TRHDE: variants seen among roughly 807,000 people sequenced by gnomAD.
TRHDE encodes the protein thyrotropin-releasing hormone-degrading ectoenzyme.
Under a neutral mutation model 125.7 loss-of-function variants are expected in TRHDE, and 72 were observed. That is an observed-to-expected ratio of 0.57 (90% CI 0.47 to 0.70). TRHDE has a LOEUF of 0.70. Among genes scored for constraint, TRHDE ranks in the 30% least tolerant of loss-of-function variants. The probability of loss-of-function intolerance (pLI) is 0.00; values close to 1 mark genes in which losing one functional copy is unlikely to be tolerated. For missense variants in TRHDE, 1,110 were observed against 1,327.1 expected (o/e 0.84, Z 2.54); for synonymous variants, 509 against 509.1 (o/e 1.00, Z 0.00).
At chr12:72,207,128 T>C (rs1877684123) in intron 2 of TRHDE, among the ~76,000 whole-genome samples, 1 of 152,222 alleles carries the variant, frequency 6.6e-6, no homozygotes. Context: ...CTGCTCATAC[T>C]TCATCCTTTT....
intron 2 of TRHDE, chr12:72,147,428 G>C (rs1876255560): frequency 6.6e-6 from 1 of 152,170 alleles, no homozygotes; most frequent in African/African-American, 2.4e-5. Context: ...AGATCTACTA[G>C]AGCTGAGTGC....
intron 2 of TRHDE, among the ~76,000 whole-genome samples, chr12:72,359,635 A>C (rs1408879697): frequency 6.6e-6 from 1 of 151,654 alleles, no homozygotes; most frequent in African/African-American, 2.4e-5. Flanking sequence ...TAAAACTTAG[A>C]AGTGGGGCAA....
At chr12:72,301,256 A>G (rs1868257394) in intron 2 of TRHDE, among the ~76,000 whole-genome samples, 1 of 152,148 alleles carries the variant, frequency 6.6e-6, no homozygotes, top group Non-Finnish European at 1.5e-5. Flanking sequence ...CCAGACAGGG[A>G]AAAAAATAAA....
At chr12:72,575,939 ATTCT>A (rs1870973604) in intron 12 of TRHDE, among the ~76,000 whole-genome samples, 1 of 152,118 alleles carries the variant, frequency 6.6e-6, no homozygotes, top group Non-Finnish European at 1.5e-5. Context: ...AATGTTATTC[ATTCT>A]AAGAAGCTTA....
intron 6 of TRHDE, among the ~76,000 whole-genome samples, chr12:72,520,422 G>A (rs1049339611): frequency 3.7e-4 from 57 of 152,268 alleles, no homozygotes; most frequent in African/African-American, 1.2e-3. Context: ...CGACCGTCAC[G>A]CCTTTCTTTG....
intron 2 of TRHDE, among the ~76,000 whole-genome samples, chr12:72,238,467 C>G (rs546750719): frequency 6.7e-6 from 1 of 148,680 alleles, no homozygotes; most frequent in African/African-American, 2.5e-5. Flanking sequence ...TAGGTATGCA[C>G]GTGCCATGCT....
At chr12:72,378,149 G>A (rs1480979396) in intron 3 of TRHDE, 28 bp downstream of exon 3, 1 of 1,553,736 alleles carries the variant, frequency 6.4e-7, no homozygotes, top group East Asian at 2.3e-5. Flanking sequence ...TATTTTATTG[G>A]AAGGGCTCCT....
At chr12:72,628,861 C>G (rs972663420) in intron 15 of TRHDE, among the ~76,000 whole-genome samples, 1 of 151,714 alleles carries the variant, frequency 6.6e-6, no homozygotes, top group African/African-American at 2.4e-5. Flanking sequence ...TAGACAAGAA[C>G]TTTTTATCCT....
intron 2 of TRHDE, among the ~76,000 whole-genome samples, chr12:72,201,412 G>T (rs913155310): frequency 6.6e-6 from 1 of 152,094 alleles, no homozygotes; most frequent in Non-Finnish European, 1.5e-5. Context: ...AGATTTTGAA[G>T]TTTGGTTATA....
chr12:72,460,218 A>G (rs528817817), intron 3 of TRHDE, among the ~76,000 whole-genome samples: 12 of 152,356 alleles, frequency 7.9e-5, no homozygotes, highest in South Asian at 4.1e-4. Context: ...TGTTTCAACA[A>G]TAACACTCAC....
intron 2 of TRHDE, among the ~76,000 whole-genome samples, chr12:72,106,300 T>C (rs1875186086): frequency 6.6e-6 from 1 of 152,148 alleles, no homozygotes; most frequent in Admixed American, 6.6e-5. Flanking sequence ...AGTTTAAACG[T>C]TGTAAATCTA....
intron 15 of TRHDE, among the ~76,000 whole-genome samples, chr12:72,647,583 A>C (rs1176843909): frequency 6.6e-6 from 1 of 152,054 alleles, no homozygotes; most frequent in African/African-American, 2.4e-5. Flanking sequence ...AACAGAAATG[A>C]AGGAGTAGAT....
At chr12:72,476,550 G>T (rs113186006) in intron 5 of TRHDE, among the ~76,000 whole-genome samples, 1,567 of 152,280 alleles carry the variant, frequency 0.01, 25 homozygotes, top group African/African-American at 0.035. Context: ...GTCTGTAAGT[G>T]CATGGCTTAA....
intron 4 of TRHDE, among the ~76,000 whole-genome samples, chr12:72,472,756 C>A (rs1437340856): frequency 2.0e-5 from 3 of 152,156 alleles, no homozygotes; most frequent in Non-Finnish European, 4.4e-5. Context: ...CGTAATAGGT[C>A]TTCAAATATT....
rs114582079 is a variant in TRHDE, at chr12:72,616,000, C to T, written c.2322-2891C>T. On this transcript the variant is annotated intron_variant, in intron 12 of 18. Transcript: ENST00000261180. ...TATTCTATTGGCTAGATCTCAGTCT[C>T]ATGACCACACCTAAGTACCAGGAGA... Among the ~76,000 whole-genome samples the T allele has an allele frequency of 2.2e-3, 339 of 152,232 alleles. 1 individual carries two copies. The highest frequency in any genetic ancestry group is 7.8e-3 in the African/African-American group (326 of 41,566).
chr12:72,128,739 G>A (rs1474327753), intron 2 of TRHDE, among the ~76,000 whole-genome samples: 1 of 152,126 alleles, frequency 6.6e-6, no homozygotes, highest in Non-Finnish European at 1.5e-5. Flanking sequence ...AAAACATTCA[G>A]AGATTTAACA....
intron 3 of TRHDE, among the ~76,000 whole-genome samples, chr12:72,443,119 T>A (rs1875099382): frequency 6.6e-6 from 1 of 151,776 alleles, no homozygotes; most frequent in South Asian, 2.1e-4. Flanking sequence ...TTTTCCCGAA[T>A]CCTATGCTAC....
intron 2 of TRHDE, among the ~76,000 whole-genome samples, chr12:72,265,858 AAC>A (rs1879056035): frequency 6.6e-6 from 1 of 151,878 alleles, no homozygotes; most frequent in Non-Finnish European, 1.5e-5. Flanking sequence ...AAAATAAGAA[AAC>A]ACTGTAGTTC....
intron 3 of TRHDE, among the ~76,000 whole-genome samples, chr12:72,460,506 G>A (rs1876076893): frequency 6.6e-6 from 1 of 152,034 alleles, no homozygotes; most frequent in African/African-American, 2.4e-5. Context: ...TGTCTTTATT[G>A]TTCAGTGTTT....
Sources: allele counts gnomAD v4.1 joint callset (sites outside exome capture counted in the v4.1 genomes callset), GRCh38; gene constraint gnomAD v4.1.1; transcripts MANE v1.5; gene names NCBI Gene and HGNC (gene_info 2026-07-23, HGNC 2026-07-21).